The following TEX29 variants were observed in gnomAD, a reference collection of about 807,000 sequenced individuals.
TEX29 encodes the protein testis-expressed protein 29.
TEX29 carries 26 observed loss-of-function variants against 18.2 expected under a neutral mutation model. That is an observed-to-expected ratio of 1.43 (90% CI 1.04 to 1.98). The LOEUF (loss-of-function observed/expected upper bound fraction) is 1.98. Ranked by LOEUF, TEX29 falls within the 30% of genes most tolerant of loss-of-function variation. The pLI is 0.00. For missense variants in TEX29, 177 were observed against 194.2 expected, an observed-to-expected ratio of 0.91 and a Z score of 0.53; for synonymous variants, 83 against 78.5, an observed-to-expected ratio of 1.06 and a Z score of -0.31.
At chr13:111,328,509 T>G (rs954527237) in intron 3 of TEX29, among the ~76,000 whole-genome samples, 5 of 152,244 alleles carry the variant, frequency 3.3e-5, no homozygotes, top group African/African-American at 9.6e-5. Flanking sequence ...TAAGCCACCA[T>G]AGGGGTTCCA....
In TEX29 at chr13:111,320,850, T is replaced by G. The variant is rs191933000; in HGVS notation, c.-34-7T>G. ...CCCCGCCCGTGCTGACCTCTCCTGT[T>G]TTCCAGGTGTGCTCGGCCCCTTCAT... On this transcript the variant is annotated splice_region_variant and splice_polypyrimidine_tract_variant and intron_variant, in intron 1 of 5. Coordinates refer to ENST00000283547, the MANE Select transcript of TEX29 (RefSeq NM_152324.3). 2 of 1,613,460 alleles carry G rather than the reference T, an allele frequency of 1.2e-6. No individual in the cohort carries two copies. Among genetic ancestry groups the G allele is most frequent in the East Asian group, 4.5e-5 (2 of 44,852 alleles).
At chr13:111,334,910 C>A (rs890288826) in intron 3 of TEX29, among the ~76,000 whole-genome samples, 2 of 152,148 alleles carry the variant, frequency 1.3e-5, no homozygotes, top group Non-Finnish European at 2.9e-5. Flanking sequence ...CTGGCTTTAC[C>A]ATGATTACAG....
At chr13:111,319,642 G>C (rs2093660512), upstream of TEX29, among the ~76,000 whole-genome samples, 1 of 152,144 alleles carries the variant, frequency 6.6e-6, no homozygotes, top group Admixed American at 6.5e-5. Context: ...TTGATTAGTT[G>C]ATTGACACAG....
intron 2 of TEX29, 41 bp downstream of exon 2, chr13:111,320,989 A>AGGGGGGGGGGG: frequency 3.9e-6 from 1 of 258,908 alleles, no homozygotes; most frequent in Non-Finnish European, 6.8e-6. Flanking sequence ...GGGGTGGGGG[A>AGGGGGGGGGGG]GCAGTTGGGG....
Position 111,331,557 on chromosome 13 carries a change from T to A in TEX29, c.169+3264T>A, listed in dbSNP as rs576755248. Reference sequence around the variant, plus strand: ...CCTTTGAAGCACAAATATTTTTAATTTTTATGAAGTCCATTTTATCCATTT... The same window carrying A: ...CCTTTGAAGCACAAATATTTTTAATATTTATGAAGTCCATTTTATCCATTT... On this transcript the variant is annotated intron_variant, in intron 3 of 5. Transcript: ENST00000283547. Among the ~76,000 whole-genome samples, 9 of 152,288 alleles carry A rather than the reference T, an allele frequency of 5.9e-5. No individual in the cohort carries two copies. In the South Asian group the frequency reaches 1.7e-3, roughly 28 times the overall value.
At chr13:111,326,042 A>C (rs1352358446) in intron 2 of TEX29, among the ~76,000 whole-genome samples, 1 of 152,116 alleles carries the variant, frequency 6.6e-6, no homozygotes, top group Non-Finnish European at 1.5e-5. Flanking sequence ...GGCACTGTGG[A>C]GACAGCAGGA....
intron 4 of TEX29, 27 bp from the exon 5 acceptor site, chr13:111,342,725 CCTGA>C (rs1388027600): frequency 1.1e-5 from 17 of 1,603,452 alleles, no homozygotes; most frequent in Non-Finnish European, 1.4e-5. Flanking sequence ...CTGTAACTTC[CCTGA>C]CTGTGATAAA....
At position 111,320,900 on chromosome 13, in the gene TEX29, G is replaced by A. The variant is rs757375604; in HGVS notation, c.10G>A (p.Val4Met). 1.8e-5 allele frequency: 29 copies of A among 1,611,832 alleles called. No individual in the cohort carries two copies. The highest frequency in any genetic ancestry group is 8.9e-5 in the East Asian group (4 of 44,696). The change falls in exon 2 of 6, where the codon GTG becomes ATG. Residue 4 changes from valine (V) to methionine (M), a missense_variant. Val to Met is a conservative substitution (Grantham distance 21). Coordinates refer to ENST00000283547, the MANE Select transcript of TEX29 (RefSeq NM_152324.3). MEY[V>M]LEVKNSPRHL... is the part of the protein sequence containing the mutation. ...TCTGTCAGCTGCAGCAATGGAATAC[G>A]TGCTGGAAGTGAAGAACTCTCCGCG...
intron 3 of TEX29, among the ~76,000 whole-genome samples, chr13:111,335,218 G>A (rs1343510783): frequency 6.6e-6 from 1 of 152,176 alleles, no homozygotes; most frequent in Non-Finnish European, 1.5e-5. Context: ...CCCTAGTCCG[G>A]TTGTACATAA....
intron 3 of TEX29, among the ~76,000 whole-genome samples, chr13:111,329,912 T>G (rs550680793): frequency 2.0e-5 from 3 of 152,156 alleles, no homozygotes; most frequent in South Asian, 4.1e-4. Context: ...TTGGTCTATC[T>G]CAAGATGAGC....
In TEX29 at chr13:111,342,831, G is replaced by A. The variant is rs771364689; in HGVS notation, c.315G>A (p.Ala105=). ...VALPQKSSEK[A]ELASSSSKLG... ...TGCCACAGAAGTCCAGCGAAAAGGC[G>A]GAGTTGGCCTCATCCAGCAGCAAGT... Residue 105 remains alanine (A), a synonymous_variant, in exon 5 of 6, where the codon GCG becomes GCA. Transcript: ENST00000283547. 1.7e-5 allele frequency: 28 copies of A among 1,614,030 alleles called. No individual in the cohort carries two copies. The highest frequency in any genetic ancestry group is 8.9e-5 in the East Asian group (4 of 44,872).
chr13:111,321,352 C>T (rs1003286469), intron 2 of TEX29, among the ~76,000 whole-genome samples: 6 of 152,120 alleles, frequency 3.9e-5, no homozygotes, highest in African/African-American at 9.7e-5. Flanking sequence ...TTTCCCCACC[C>T]GGGCAACTGA....
chr13:111,328,827 G>A (rs2093678345), intron 3 of TEX29, among the ~76,000 whole-genome samples: 2 of 152,202 alleles, frequency 1.3e-5, no homozygotes, highest in South Asian at 4.1e-4. Flanking sequence ...AGCACGGGGT[G>A]AAGTGAGGAC....
At chr13:111,325,698 G>A (rs1567159195) in intron 2 of TEX29, among the ~76,000 whole-genome samples, 1 of 152,232 alleles carries the variant, frequency 6.6e-6, no homozygotes, top group African/African-American at 2.4e-5. Context: ...ATAACGGTGG[G>A]TGTGGAGGGA....
At chr13:111,322,088 G>A (rs2093665629) in intron 2 of TEX29, among the ~76,000 whole-genome samples, 2 of 152,236 alleles carry the variant, frequency 1.3e-5, no homozygotes, top group Admixed American at 6.5e-5. Context: ...TGCAGCTCTC[G>A]CAGCGGGACA....
intron 3 of TEX29, among the ~76,000 whole-genome samples, chr13:111,329,187 G>A (rs922193826): frequency 2.0e-5 from 3 of 152,102 alleles, no homozygotes; most frequent in East Asian, 1.9e-4. Context: ...GTGGGGAGGG[G>A]TGGACAGCAG....
chr13:111,344,053 A>C (rs762650326), intron 5 of TEX29, 30 bp from the exon 6 acceptor site: 13 of 1,593,000 alleles, frequency 8.2e-6, no homozygotes, highest in East Asian at 4.5e-5. Context: ...TTCCATTTGA[A>C]AAAACAATTC....
chr13:111,317,599 C>T (rs562311102), upstream of TEX29, among the ~76,000 whole-genome samples: 59 of 152,328 alleles, frequency 3.9e-4, no homozygotes, highest in Middle Eastern at 3.4e-3. Flanking sequence ...TATCTTTGCT[C>T]GGTTTATTGT....
At chr13:111,342,649 TCAGGAA>T in intron 4 of TEX29, 101 bp from the exon 5 acceptor site, 2 of 1,072,448 alleles carry the variant, frequency 1.9e-6, no homozygotes, top group Admixed American at 2.6e-5. Flanking sequence ...GTATGCATGA[TCAGGAA>T]CCTGTGTTTT....
Sources: allele counts gnomAD v4.1 joint callset (sites outside exome capture counted in the v4.1 genomes callset), GRCh38; gene constraint gnomAD v4.1.1; transcripts MANE v1.5; gene names NCBI Gene and HGNC (gene_info 2026-07-23, HGNC 2026-07-21).